The following PAWR variants were observed in gnomAD, a reference collection of about 807,000 sequenced individuals.
PAWR encodes the protein pro-apoptotic WT1 regulator.
In PAWR, 23 loss-of-function variants were observed where a neutral mutation model predicts 32.0. The ratio of observed to expected loss-of-function variants is 0.72; its 90% CI spans 0.52 to 1.02. The LOEUF is 1.02. Ranked by LOEUF, PAWR falls within the 50% of genes least tolerant of loss-of-function variation. The pLI is 0.00. For missense variants in PAWR, 457 were observed against 437.7 expected (o/e 1.04, Z -0.39); for synonymous variants, 226 against 187.1 (o/e 1.21, Z -1.70).
intron 2 of PAWR, among the ~76,000 whole-genome samples, chr12:79,664,536 G>A (rs1385617893): frequency 1.3e-5 from 2 of 151,900 alleles, no homozygotes; most frequent in African/African-American, 4.8e-5. Flanking sequence ...TTAAACCCAT[G>A]TCATTATCTT....
chr12:79,615,195 T>C (rs540211446), intron 3 of PAWR, among the ~76,000 whole-genome samples: 1 of 152,318 alleles, frequency 6.6e-6, no homozygotes, highest in East Asian at 1.9e-4. Context: ...CTTAGTTTTA[T>C]TTGTATCTCA....
chr12:79,596,663 G>T lies in PAWR; in HGVS notation c.684-5C>A. 6.5e-7 allele frequency: 1 copy of T among 1,547,150 alleles called. No individual in the cohort carries two copies. On this transcript the variant is annotated splice_region_variant and splice_polypyrimidine_tract_variant and intron_variant, in intron 4 of 6. Transcript: ENST00000328827. ...TCTTCAGAGACACTGGTTGTGCTGT[G>T]GAAATATAAACATTTTATTAAAATC...
chr12:79,690,340 G>T lies in PAWR; in HGVS notation c.-96C>A. The T allele has an allele frequency of 7.4e-7, 1 of 1,359,804 alleles. No individual in the cohort carries two copies. The highest frequency in any genetic ancestry group is 1.7e-5 in the South Asian group (1 of 59,022). 84.2% of individuals were successfully genotyped at this position (1,359,804 alleles called of 1,614,324 possible). A position where few individuals can be genotyped will look rare whatever the true frequency, so the allele number is the denominator to read the frequency against. Reference sequence around the variant, plus strand: ...CTTCCTGCGGCCCCGAGGATGCCAGGAGACGACCTCCAGGAGAGGGACGGC... The same window carrying T: ...CTTCCTGCGGCCCCGAGGATGCCAGTAGACGACCTCCAGGAGAGGGACGGC... On this transcript the variant is annotated 5_prime_UTR_variant, in exon 2 of 7. Transcript: ENST00000328827.
At chr12:79,657,870 A>T (rs1167695886) in intron 2 of PAWR, among the ~76,000 whole-genome samples, 1 of 152,210 alleles carries the variant, frequency 6.6e-6, no homozygotes, top group Non-Finnish European at 1.5e-5. Context: ...GTAATAAAAC[A>T]GAGATTATGA....
chr12:79,588,203 C>T lies in PAWR; in HGVS notation c.*4404G>A, dbSNP rs764486044. On this transcript the variant is annotated 3_prime_UTR_variant, in exon 7 of 7. Transcript: ENST00000328827. ...ACATCCACCAAGTGATCATCACTAA[C>T]ATTCTATTATTACCAGAGTAACTGT... 1 of 152,004 alleles carries T rather than the reference C, an allele frequency of 6.6e-6. No individual in the cohort carries two copies. The highest frequency in any genetic ancestry group is 1.5e-5 in the Non-Finnish European group (1 of 67,862). 9.4% of individuals were successfully genotyped at this position (152,004 alleles called of 1,614,324 possible). A position where few individuals can be genotyped will look rare whatever the true frequency, so the allele number is the denominator to read the frequency against.
Position 79,627,958 on chromosome 12 carries a change from T to C in PAWR, c.517-6751A>G, listed in dbSNP as rs368935503. ...AACTCAGCTCTGCACCAAGCGGACCTAATAGACATCTACAGAACTCTCCAC... is the reference window on the plus strand; with the variant it reads ...AACTCAGCTCTGCACCAAGCGGACCCAATAGACATCTACAGAACTCTCCAC... On this transcript the variant is annotated intron_variant, in intron 2 of 6. Transcript: ENST00000328827. 5.3e-4 allele frequency among the ~76,000 whole-genome samples: 81 copies of C among 152,282 alleles called. 2 individuals carry two copies. The South Asian group carries it at 0.016, about 29-fold the overall frequency.
intron 4 of PAWR, chr12:79,598,116 A>G (rs1873830901): frequency 6.6e-6 from 1 of 152,176 alleles, no homozygotes; most frequent in Non-Finnish European, 1.5e-5. Flanking sequence ...TCATAACGCA[A>G]CCTCAAAAGT....
intron 2 of PAWR, among the ~76,000 whole-genome samples, chr12:79,632,519 T>G (rs1875756841): frequency 6.6e-6 from 1 of 150,418 alleles, no homozygotes; most frequent in African/African-American, 2.5e-5. Context: ...CCACCATGTC[T>G]GGCTAATTCT....
intron 2 of PAWR, chr12:79,688,566 C>G (rs1213417379): frequency 6.6e-6 from 1 of 151,268 alleles, no homozygotes; most frequent in Non-Finnish European, 1.5e-5. Context: ...GTGCAAGTAG[C>G]AAACCGCAGA....
chr12:79,671,534 AT>A (rs1340019434), intron 2 of PAWR, among the ~76,000 whole-genome samples: 1 of 152,270 alleles, frequency 6.6e-6, no homozygotes, highest in East Asian at 1.9e-4. Flanking sequence ...GTGAATGGGT[AT>A]TGGATCTTGT....
chr12:79,608,397 C>T (rs1874284199), intron 4 of PAWR, among the ~76,000 whole-genome samples: 1 of 152,256 alleles, frequency 6.6e-6, no homozygotes, highest in Non-Finnish European at 1.5e-5. Context: ...CTAGGTCCCT[C>T]GCATGAACAG....
chr12:79,601,376 T>C (rs1421707742), intron 4 of PAWR, among the ~76,000 whole-genome samples: 1 of 151,960 alleles, frequency 6.6e-6, no homozygotes, highest in East Asian at 1.9e-4. Flanking sequence ...CGCTAATTTA[T>C]CTTAATTTTT....
chr12:79,681,367 A>G (rs1390633202), intron 2 of PAWR, among the ~76,000 whole-genome samples: 1 of 152,104 alleles, frequency 6.6e-6, no homozygotes, highest in Non-Finnish European at 1.5e-5. Flanking sequence ...GGCTGAGGCA[A>G]GAGGATCACT....
chr12:79,671,407 G>A (rs975290734), intron 2 of PAWR, among the ~76,000 whole-genome samples: 4 of 152,182 alleles, frequency 2.6e-5, no homozygotes, highest in African/African-American at 9.7e-5. Flanking sequence ...TAGCCCTTAT[G>A]TGTAGTTAGC....
chr12:79,623,725 C>A (rs1324037812), intron 2 of PAWR, among the ~76,000 whole-genome samples: 6 of 151,682 alleles, frequency 4.0e-5, no homozygotes, highest in African/African-American at 7.3e-5. Context: ...AATTAAAATT[C>A]CAATCAAAAT....
chr12:79,647,655 G>T (rs1056631392), intron 2 of PAWR, among the ~76,000 whole-genome samples: 2 of 152,172 alleles, frequency 1.3e-5, no homozygotes, highest in African/African-American at 4.8e-5. Flanking sequence ...ATCAAAATAG[G>T]TAGTCTTTAT....
chr12:79,594,461 T>C (rs1386260614), intron 5 of PAWR, 28 bp from the exon 6 acceptor site: 1 of 1,053,558 alleles, frequency 9.5e-7, no homozygotes, highest in Non-Finnish European at 1.4e-6. Context: ...AAACCAGTAA[T>C]TAGGAAGTAA....
At chr12:79,666,649 T>C (rs1044026307) in intron 2 of PAWR, among the ~76,000 whole-genome samples, 17 of 152,190 alleles carry the variant, frequency 1.1e-4, no homozygotes, top group Admixed American at 4.6e-4. Flanking sequence ...ATAAAGAGAT[T>C]TACAAAAATG....
chr12:79,688,766 G>A (rs1017226034), intron 2 of PAWR, among the ~76,000 whole-genome samples: 2 of 152,260 alleles, frequency 1.3e-5, no homozygotes, highest in Admixed American at 1.3e-4. Flanking sequence ...AGAAAGCCAG[G>A]AGAAGAAAAA....
Sources: allele counts gnomAD v4.1 joint callset (sites outside exome capture counted in the v4.1 genomes callset), GRCh38; gene constraint gnomAD v4.1.1; transcripts MANE v1.5; gene names NCBI Gene and HGNC (gene_info 2026-07-23, HGNC 2026-07-21).